ST3GAL3: variants seen among roughly 807,000 people sequenced by gnomAD.
ST3GAL3 encodes the protein ST3 beta-galactoside alpha-2,3-sialyltransferase 3.
A neutral mutation model predicts 50.1 loss-of-function variants in ST3GAL3; 21 were observed. That is an observed-to-expected ratio of 0.42 (90% CI 0.30 to 0.60). ST3GAL3 has a LOEUF of 0.60. ST3GAL3 is among the 20% of genes least tolerant of loss of function. The probability of loss-of-function intolerance (pLI) is 0.19; values close to 1 mark genes in which losing one functional copy is unlikely to be tolerated. For synonymous variants in ST3GAL3, 183 were observed against 190.0 expected, an observed-to-expected ratio of 0.96 and a Z score of 0.30; for missense variants, 353 against 489.4, an observed-to-expected ratio of 0.72 and a Z score of 2.63.
At chr1:43,788,431 C>T (rs988986729) in intron 2 of ST3GAL3, among the ~76,000 whole-genome samples, 12 of 152,170 alleles carry the variant, frequency 7.9e-5, no homozygotes, top group African/African-American at 2.2e-4. Flanking sequence ...TGTGATCTCT[C>T]GCCTGGAAAA....
At chr1:43,709,927 T>C (rs1304106428) in intron 1 of ST3GAL3, among the ~76,000 whole-genome samples, 1 of 152,058 alleles carries the variant, frequency 6.6e-6, no homozygotes, top group African/African-American at 2.4e-5. Flanking sequence ...ACCTAGCCCA[T>C]TGTCGCTTTT....
At chr1:43,914,382 T>C (rs1213387256) in intron 9 of ST3GAL3, 2 of 152,152 alleles carry the variant, frequency 1.3e-5, no homozygotes, top group African/African-American at 4.8e-5. Context: ...CTTAGTGCTC[T>C]TAGAGGAGAC....
At chr1:43,726,462 T>A (rs1672968451) in intron 1 of ST3GAL3, among the ~76,000 whole-genome samples, 1 of 152,012 alleles carries the variant, frequency 6.6e-6, no homozygotes, top group African/African-American at 2.4e-5. Flanking sequence ...AATCTTAAAA[T>A]TTTTTCTAGA....
At chr1:43,742,559 A>G (rs1321714386) in intron 2 of ST3GAL3, among the ~76,000 whole-genome samples, 1 of 152,218 alleles carries the variant, frequency 6.6e-6, no homozygotes, top group Non-Finnish European at 1.5e-5. Flanking sequence ...CTAATGTTCA[A>G]AAAAAGTTAC....
intron 4 of ST3GAL3, among the ~76,000 whole-genome samples, chr1:43,819,603 A>G (rs1246356522): frequency 6.6e-6 from 1 of 152,092 alleles, no homozygotes; most frequent in Non-Finnish European, 1.5e-5. Context: ...GATGTTTTCT[A>G]TTCTTGGAAC....
chr1:43,872,653 C>T (rs560743236), intron 5 of ST3GAL3, among the ~76,000 whole-genome samples: 29 of 152,246 alleles, frequency 1.9e-4, no homozygotes, highest in African/African-American at 6.7e-4. Flanking sequence ...GAGTACACTG[C>T]TCTTGTACTG....
At chr1:43,743,851 C>G (rs908280229) in intron 2 of ST3GAL3, 2 of 162,240 alleles carry the variant, frequency 1.2e-5, no homozygotes, top group Non-Finnish European at 2.6e-5. Flanking sequence ...ATTCCCCCCC[C>G]CCCCATTCCT....
chr1:43,916,708 G>A (rs976145194), intron 9 of ST3GAL3: 3 of 151,868 alleles, frequency 2.0e-5, no homozygotes, highest in Admixed American at 6.6e-5. Flanking sequence ...TCAGCCCCCC[G>A]AGTGGCTGGG....
intron 1 of ST3GAL3, among the ~76,000 whole-genome samples, chr1:43,712,181 T>G (rs1178472585): frequency 6.6e-6 from 1 of 152,180 alleles, no homozygotes; most frequent in Non-Finnish European, 1.5e-5. Flanking sequence ...GTAAAGTGCT[T>G]TGCAGAGCAC....
At chr1:43,917,662 A>T (rs12410003) in intron 9 of ST3GAL3, among the ~76,000 whole-genome samples, 2 of 47,642 alleles carry the variant, frequency 4.2e-5, no homozygotes, top group Non-Finnish European at 1.1e-4. Flanking sequence ...ATAATATATA[A>T]TATATATTAT....
intron 2 of ST3GAL3, among the ~76,000 whole-genome samples, chr1:43,744,946 G>T (rs6679484): frequency 0.078 from 11,781 of 151,660 alleles, 1,509 homozygotes; most frequent in African/African-American, 0.27. Context: ...AGCCAAGATC[G>T]TGCCACTGCA....
At chr1:43,853,551 G>A (rs537726498) in intron 5 of ST3GAL3, among the ~76,000 whole-genome samples, 1 of 152,220 alleles carries the variant, frequency 6.6e-6, no homozygotes, top group Non-Finnish European at 1.5e-5. Flanking sequence ...CACAGCTGCT[G>A]TTTCATGGGC....
chr1:43,864,573 T>A (rs1453111236), intron 5 of ST3GAL3, among the ~76,000 whole-genome samples: 4 of 152,122 alleles, frequency 2.6e-5, no homozygotes, highest in Non-Finnish European at 4.4e-5. Flanking sequence ...TGCTGAGAAG[T>A]TTGAACTTTA....
At chr1:43,797,448 T>C (rs941281113) in intron 3 of ST3GAL3, among the ~76,000 whole-genome samples, 2 of 152,104 alleles carry the variant, frequency 1.3e-5, no homozygotes, top group African/African-American at 4.8e-5. Context: ...CCAAATTTGG[T>C]GACCAAGTGT....
chr1:43,898,423 T>A, intron 7 of ST3GAL3, 125 bp downstream of exon 7: 1 of 960,900 alleles, frequency 1.0e-6, no homozygotes, highest in Non-Finnish European at 1.6e-6. Flanking sequence ...GCACATACAG[T>A]ACACACACAG....
At chr1:43,728,456 G>A (rs1446573906) in intron 1 of ST3GAL3, among the ~76,000 whole-genome samples, 2 of 152,318 alleles carry the variant, frequency 1.3e-5, no homozygotes, top group East Asian at 1.9e-4. Context: ...AGAGTTATAT[G>A]TTGGGGGGGT....
chr1:43,886,242 G>A (rs993806484), intron 5 of ST3GAL3, among the ~76,000 whole-genome samples: 1 of 152,280 alleles, frequency 6.6e-6, no homozygotes, highest in East Asian at 1.9e-4. Flanking sequence ...TTAGCTGGGC[G>A]TGGTGGTGCA....
intron 5 of ST3GAL3, among the ~76,000 whole-genome samples, chr1:43,867,466 G>C (rs1341998028): frequency 6.6e-6 from 1 of 152,186 alleles, no homozygotes; most frequent in East Asian, 1.9e-4. Flanking sequence ...GACACTTAAG[G>C]AAAGATGTAG....
At chr1:43,823,648 T>G (rs2062402798) in intron 4 of ST3GAL3, among the ~76,000 whole-genome samples, 1 of 152,244 alleles carries the variant, frequency 6.6e-6, no homozygotes, top group Admixed American at 6.5e-5. Context: ...TTTTATTTAC[T>G]TGTTTATTGT....
Sources: allele counts gnomAD v4.1 joint callset (sites outside exome capture counted in the v4.1 genomes callset), GRCh38; gene constraint gnomAD v4.1.1; transcripts MANE v1.5; gene names NCBI Gene and HGNC (gene_info 2026-07-23, HGNC 2026-07-21).